THSD4: variants seen among roughly 807,000 people sequenced by gnomAD.
THSD4 encodes the protein thrombospondin type 1 domain containing 4.
THSD4 carries 69 observed loss-of-function variants against 119.0 expected under a neutral mutation model. The ratio of observed to expected loss-of-function variants is 0.58; its 90% CI spans 0.48 to 0.71. THSD4 has a LOEUF of 0.71. Ranked by LOEUF, THSD4 falls within the 30% of genes least tolerant of loss-of-function variation. THSD4 has a pLI of 0.00. For missense variants in THSD4, 1,393 were observed against 1,391.1 expected, an observed-to-expected ratio of 1.00 and a Z score of -0.02; for synonymous variants, 524 against 540.4, an observed-to-expected ratio of 0.97 and a Z score of 0.42.
At chr15:71,455,196 T>C (rs893405101) in intron 7 of THSD4, among the ~76,000 whole-genome samples, 1 of 152,198 alleles carries the variant, frequency 6.6e-6, no homozygotes, top group Non-Finnish European at 1.5e-5. Context: ...GAACTTTGCT[T>C]TCCCTCCTTC....
intron 7 of THSD4, among the ~76,000 whole-genome samples, chr15:71,585,957 TC>T: frequency 6.6e-6 from 1 of 152,336 alleles, no homozygotes; most frequent in South Asian, 2.1e-4. Context: ...TTATCAAACT[TC>T]TAATTTTATG....
intron 4 of THSD4, among the ~76,000 whole-genome samples, chr15:71,231,928 AG>A (rs1413254294): frequency 6.6e-6 from 1 of 152,188 alleles, no homozygotes; most frequent in Non-Finnish European, 1.5e-5. Flanking sequence ...ATTTGCTCGC[AG>A]GCTCTTTGAA....
At chr15:71,454,492 C>T (rs1595784055) in intron 7 of THSD4, among the ~76,000 whole-genome samples, 1 of 152,218 alleles carries the variant, frequency 6.6e-6, no homozygotes, top group African/African-American at 2.4e-5. Flanking sequence ...TGTGGGGCTC[C>T]AGGGCCAAGG....
At chr15:71,621,705 G>A (rs976566437) in intron 7 of THSD4, among the ~76,000 whole-genome samples, 5 of 152,226 alleles carry the variant, frequency 3.3e-5, no homozygotes, top group African/African-American at 9.6e-5. Context: ...GGCTGAAAAC[G>A]CCTTTTAGAT....
intron 7 of THSD4, among the ~76,000 whole-genome samples, chr15:71,643,950 G>C (rs534225022): frequency 1.3e-5 from 2 of 152,184 alleles, no homozygotes; most frequent in African/African-American, 4.8e-5. Context: ...TTACACGTAG[G>C]CGTATACTGT....
intron 1 of THSD4, among the ~76,000 whole-genome samples, chr15:71,102,279 G>A (rs893415127): frequency 1.3e-5 from 2 of 148,668 alleles, no homozygotes; most frequent in Admixed American, 6.6e-5. Context: ...GAAATGTGAT[G>A]TTTTTCCACC....
chr15:71,541,155 A>C (rs983748066), intron 7 of THSD4, among the ~76,000 whole-genome samples: 2 of 152,256 alleles, frequency 1.3e-5, no homozygotes, highest in Non-Finnish European at 2.9e-5. Flanking sequence ...AGTAAAATGA[A>C]ACAAGTGAAA....
chr15:71,503,807 G>A (rs565801981), intron 7 of THSD4, among the ~76,000 whole-genome samples: 1 of 152,314 alleles, frequency 6.6e-6, no homozygotes, highest in East Asian at 1.9e-4. Flanking sequence ...TATGCATTGA[G>A]ACAGTCATAG....
chr15:71,139,222 A>G (rs936129605), intron 1 of THSD4, among the ~76,000 whole-genome samples: 2 of 152,198 alleles, frequency 1.3e-5, no homozygotes, highest in African/African-American at 4.8e-5. Flanking sequence ...CTGAATGAAC[A>G]GTTTACCCTG....
intron 7 of THSD4, among the ~76,000 whole-genome samples, chr15:71,618,369 C>CTA (rs1311437062): frequency 1.3e-5 from 2 of 152,188 alleles, no homozygotes; most frequent in African/African-American, 4.8e-5. Context: ...GTTAAAACGA[C>CTA]TAAACTATAC....
intron 7 of THSD4, among the ~76,000 whole-genome samples, chr15:71,441,611 T>C (rs1179211704): frequency 6.6e-6 from 1 of 151,818 alleles, no homozygotes; most frequent in African/African-American, 2.4e-5. Context: ...GCCAGGCTGG[T>C]CTCGAACTGC....
At chr15:71,633,034 C>G (rs951096290) in intron 7 of THSD4, among the ~76,000 whole-genome samples, 2 of 152,042 alleles carry the variant, frequency 1.3e-5, no homozygotes, top group African/African-American at 4.8e-5. Context: ...TTTCAGGAGG[C>G]AGGACATCAA....
chr15:71,272,419 A>G (rs1184766630), intron 6 of THSD4, among the ~76,000 whole-genome samples: 4 of 150,876 alleles, frequency 2.7e-5, no homozygotes, highest in African/African-American at 9.7e-5. Flanking sequence ...AAAAAAAAAA[A>G]AAAAGAAAGA....
At position 71,469,112 on chromosome 15, in the gene THSD4, G is replaced by T. The variant is rs1403458474; in HGVS notation, c.1152+57289G>T. ...TTTCTTGCCTTGCTTAATTTGACAT[G>T]TGATTAGGCTCCCTCCAGGCCTCAC... On this transcript the variant is annotated intron_variant, in intron 7 of 17. Transcript: ENST00000261862. Among the ~76,000 whole-genome samples the T allele has an allele frequency of 2.0e-5, 3 of 152,208 alleles. No homozygotes were observed. In the East Asian group the frequency reaches 5.8e-4, roughly 29 times the overall value.
intron 1 of THSD4, among the ~76,000 whole-genome samples, chr15:71,098,982 C>G (rs1454861770): frequency 2.0e-5 from 3 of 152,136 alleles, no homozygotes; most frequent in Admixed American, 6.5e-5. Context: ...AAAATTTGTT[C>G]TCAATTGTTT....
intron 8 of THSD4, among the ~76,000 whole-genome samples, chr15:71,695,869 C>T (rs1190108445): frequency 6.6e-6 from 1 of 152,018 alleles, no homozygotes; most frequent in Non-Finnish European, 1.5e-5. Flanking sequence ...CTAATAATGC[C>T]CACCCAGAGA....
intron 14 of THSD4, among the ~76,000 whole-genome samples, chr15:71,749,344 T>A (rs2053400733): frequency 6.6e-6 from 1 of 152,210 alleles, no homozygotes; most frequent in Admixed American, 6.5e-5. Context: ...GATAAGGAAT[T>A]GTGCTTCCTT....
intron 6 of THSD4, among the ~76,000 whole-genome samples, chr15:71,343,715 A>ATTT (rs35533590): frequency 0.098 from 13,183 of 134,716 alleles, 880 homozygotes; most frequent in Non-Finnish European, 0.13. Flanking sequence ...TCATCTCAGG[A>ATTT]TTTTTTTTTT....
At chr15:71,295,023 G>T (rs563903489) in intron 6 of THSD4, among the ~76,000 whole-genome samples, 20 of 152,168 alleles carry the variant, frequency 1.3e-4, no homozygotes, top group African/African-American at 4.1e-4. Context: ...AGATTGGGGT[G>T]GGTGAGTGGC....
Sources: gnomAD v4.1 joint callset for allele counts (sites outside exome capture counted in the v4.1 genomes callset) on GRCh38, gnomAD v4.1.1 for gene constraint, MANE v1.5 for transcripts, NCBI Gene and HGNC (gene_info 2026-07-23, HGNC 2026-07-21) for gene names.